The following EGFLAM variants were observed in gnomAD, a reference collection of about 807,000 sequenced individuals.
EGFLAM encodes the protein pikachurin.
Under a neutral mutation model 113.1 loss-of-function variants are expected in EGFLAM, and 79 were observed. That is an observed-to-expected ratio of 0.70 (90% CI 0.58 to 0.84). The LOEUF (loss-of-function observed/expected upper bound fraction) is 0.84. Ranked by LOEUF, EGFLAM falls within the 40% of genes least tolerant of loss-of-function variation. The probability of loss-of-function intolerance (pLI) is 0.00; values close to 1 mark genes in which losing one functional copy is unlikely to be tolerated. For missense variants in EGFLAM, 1,265 were observed against 1,291.6 expected (o/e 0.98, Z 0.32); for synonymous variants, 504 against 487.6 (o/e 1.03, Z -0.44).
intron 1 of EGFLAM, among the ~76,000 whole-genome samples, chr5:38,324,019 G>C (rs1738808215): frequency 1.6e-5 from 2 of 125,926 alleles, no homozygotes; most frequent in African/African-American, 6.4e-5. Context: ...TAGCGTGCAT[G>C]ACAGAATGAA....
intron 1 of EGFLAM, among the ~76,000 whole-genome samples, chr5:38,335,730 T>G (rs1739166196): frequency 6.6e-6 from 1 of 152,224 alleles, no homozygotes; most frequent in Admixed American, 6.5e-5. Flanking sequence ...TCATGGTTCC[T>G]GCTGACAGCA....
At chr5:38,427,373 T>C in intron 14 of EGFLAM, 121 bp downstream of exon 14, 1 of 1,487,456 alleles carries the variant, frequency 6.7e-7, no homozygotes, top group Non-Finnish European at 9.0e-7. Flanking sequence ...CATGCTTATC[T>C]TCTGAAACTT....
intron 1 of EGFLAM, among the ~76,000 whole-genome samples, chr5:38,323,372 GA>G (rs1738789321): frequency 6.6e-6 from 1 of 152,136 alleles, no homozygotes; most frequent in Non-Finnish European, 1.5e-5. Flanking sequence ...GTCCTCCAGA[GA>G]AAAAAGCTCA....
At chr5:38,429,175 T>A (rs1331923413) in intron 14 of EGFLAM, among the ~76,000 whole-genome samples, 1 of 152,198 alleles carries the variant, frequency 6.6e-6, no homozygotes, top group Non-Finnish European at 1.5e-5. Flanking sequence ...ACAATTGGAA[T>A]GAGTTCTTGA....
chr5:38,393,564 T>C (rs1245205647), intron 6 of EGFLAM, among the ~76,000 whole-genome samples: 1 of 152,148 alleles, frequency 6.6e-6, no homozygotes, highest in African/African-American at 2.4e-5. Context: ...TCTCAAACAA[T>C]AATAAAACAG....
intron 15 of EGFLAM, among the ~76,000 whole-genome samples, chr5:38,434,805 G>A (rs1454108617): frequency 6.6e-6 from 1 of 152,204 alleles, no homozygotes; most frequent in Non-Finnish European, 1.5e-5. Context: ...CAGGTTGGAG[G>A]CAATCTTCCT....
At chr5:38,372,967 A>G (rs1223540307) in intron 6 of EGFLAM, among the ~76,000 whole-genome samples, 1 of 152,198 alleles carries the variant, frequency 6.6e-6, no homozygotes, top group Non-Finnish European at 1.5e-5. Flanking sequence ...AAAATTACCT[A>G]ATTATCAAAT....
At chr5:38,301,457 G>C (rs904147188) in intron 1 of EGFLAM, among the ~76,000 whole-genome samples, 2 of 152,142 alleles carry the variant, frequency 1.3e-5, no homozygotes, top group Admixed American at 1.3e-4. Flanking sequence ...ACTGAGGGGA[G>C]TTTAAAGGAA....
intron 13 of EGFLAM, among the ~76,000 whole-genome samples, chr5:38,425,770 A>G (rs1442535358): frequency 6.6e-6 from 1 of 152,230 alleles, no homozygotes; most frequent in African/African-American, 2.4e-5. Flanking sequence ...TATCAGACTG[A>G]ATTCAAAGCC....
At chr5:38,319,741 T>C (rs1738692543) in intron 1 of EGFLAM, among the ~76,000 whole-genome samples, 1 of 152,238 alleles carries the variant, frequency 6.6e-6, no homozygotes, top group African/African-American at 2.4e-5. Flanking sequence ...CAGTTAGATA[T>C]GCAGAGCATA....
intron 14 of EGFLAM, among the ~76,000 whole-genome samples, chr5:38,428,155 G>A (rs1427836963): frequency 1.3e-5 from 2 of 152,170 alleles, no homozygotes; most frequent in African/African-American, 2.4e-5. Flanking sequence ...CCCTGTAACA[G>A]GGTATCAGTT....
intron 10 of EGFLAM, among the ~76,000 whole-genome samples, chr5:38,410,600 G>A (rs1024139663): frequency 7.2e-5 from 11 of 152,208 alleles, no homozygotes; most frequent in Non-Finnish European, 1.6e-4. Context: ...ATGTGGAAGA[G>A]GCATGGTGGC....
intron 11 of EGFLAM, among the ~76,000 whole-genome samples, chr5:38,417,036 A>T (rs900359310): frequency 2.0e-5 from 3 of 152,014 alleles, no homozygotes; most frequent in African/African-American, 7.2e-5. Context: ...AATGCAGATA[A>T]ATGAGATATT....
intron 19 of EGFLAM, among the ~76,000 whole-genome samples, chr5:38,456,661 T>G (rs904293463): frequency 6.6e-6 from 1 of 152,196 alleles, no homozygotes; most frequent in South Asian, 2.1e-4. Context: ...ATTAAAGGAA[T>G]GATCTATGGT....
At chr5:38,295,999 G>C (rs186372151) in intron 1 of EGFLAM, among the ~76,000 whole-genome samples, 1 of 152,160 alleles carries the variant, frequency 6.6e-6, no homozygotes, top group Non-Finnish European at 1.5e-5. Flanking sequence ...GTGGTTGGGT[G>C]GGGGACGGGT....
At chr5:38,408,003 G>A (rs866812212) in intron 9 of EGFLAM, 98 bp downstream of exon 9, 1 of 887,876 alleles carries the variant, frequency 1.1e-6, no homozygotes, top group Middle Eastern at 2.2e-4. Flanking sequence ...GGGCAGCAGG[G>A]AGAGCGACGA....
chr5:38,374,163 A>G (rs1740303329), intron 6 of EGFLAM, among the ~76,000 whole-genome samples: 1 of 152,150 alleles, frequency 6.6e-6, no homozygotes, highest in African/African-American at 2.4e-5. Flanking sequence ...GGCCACTTGT[A>G]TATCATTTTT....
At chr5:38,435,340 C>T in intron 16 of EGFLAM, 87 bp downstream of exon 16, 6 of 983,446 alleles carry the variant, frequency 6.1e-6, no homozygotes, top group Non-Finnish European at 7.8e-6. Context: ...ATCTGCTGCA[C>T]CCAAGAAAGA....
intron 6 of EGFLAM, among the ~76,000 whole-genome samples, chr5:38,391,258 G>C (rs115864952): frequency 6.6e-6 from 1 of 152,014 alleles, no homozygotes; most frequent in East Asian, 1.9e-4. Flanking sequence ...CTATTAATTC[G>C]TAATGACATC....
Sources: allele counts gnomAD v4.1 joint callset (sites outside exome capture counted in the v4.1 genomes callset), GRCh38; gene constraint gnomAD v4.1.1; transcripts MANE v1.5; gene names NCBI Gene and HGNC (gene_info 2026-07-23, HGNC 2026-07-21).